Variants in USP3 observed in about 807,000 individuals in gnomAD.
The protein encoded by USP3 is ubiquitin specific peptidase 3.
Under a neutral mutation model 72.3 loss-of-function variants are expected in USP3, and 20 were observed. The ratio of observed to expected loss-of-function variants is 0.28; its 90% CI spans 0.19 to 0.40. The LOEUF (loss-of-function observed/expected upper bound fraction) is 0.40. Ranked by LOEUF, USP3 falls within the 10% of genes least tolerant of loss-of-function variation. The probability of loss-of-function intolerance (pLI) is 1.00; values close to 1 mark genes in which losing one functional copy is unlikely to be tolerated. For missense variants in USP3, 479 were observed against 633.9 expected, an observed-to-expected ratio of 0.76 and a Z score of 2.62; for synonymous variants, 222 against 225.3, an observed-to-expected ratio of 0.99 and a Z score of 0.13.
At chr15:63,546,869 A>G (rs2066336806) in intron 3 of USP3, among the ~76,000 whole-genome samples, 1 of 152,172 alleles carries the variant, frequency 6.6e-6, no homozygotes. Context: ...TGGACTCCCA[A>G]AGTGATGGGA....
At chr15:63,510,373 GTTTGTT>G (rs1353057628) in intron 1 of USP3, among the ~76,000 whole-genome samples, 8 of 151,790 alleles carry the variant, frequency 5.3e-5, no homozygotes, top group Non-Finnish European at 1.0e-4. Flanking sequence ...GAGCTTGTTT[GTTTGTT>G]TTTAATATTT....
chr15:63,540,972 A>G (rs941033672), intron 3 of USP3, among the ~76,000 whole-genome samples: 1 of 152,302 alleles, frequency 6.6e-6, no homozygotes, highest in East Asian at 1.9e-4. Context: ...TGTGGTGTAC[A>G]TTATTGTGAT....
At chr15:63,579,274 C>G (rs941957010) in intron 11 of USP3, among the ~76,000 whole-genome samples, 2 of 152,130 alleles carry the variant, frequency 1.3e-5, no homozygotes, top group Admixed American at 6.5e-5. Flanking sequence ...TACATTTATT[C>G]TGATTTATTC....
intron 2 of USP3, among the ~76,000 whole-genome samples, chr15:63,532,975 T>C (rs1188183834): frequency 6.6e-6 from 1 of 152,212 alleles, no homozygotes; most frequent in Non-Finnish European, 1.5e-5. Context: ...AGTGGAAAGA[T>C]GAGCTAAGGG....
intron 11 of USP3, among the ~76,000 whole-genome samples, chr15:63,575,055 T>C (rs1320137161): frequency 3.9e-5 from 6 of 151,948 alleles, no homozygotes; most frequent in Non-Finnish European, 8.8e-5. Flanking sequence ...CTGTATTTTA[T>C]CAGAAACTCT....
intron 3 of USP3, among the ~76,000 whole-genome samples, chr15:63,547,729 AGAGAGAGAGAGAGAGG>A (rs1272340317): frequency 2.3e-5 from 1 of 43,204 alleles, no homozygotes; most frequent in Non-Finnish European, 5.4e-5. Context: ...CAATAGAGAG[AGAGAGAGAGAGAGAGG>A]GAGGGAGGGA....
At position 63,528,977 on chromosome 15, in the gene USP3, A is replaced by C; in HGVS notation, c.92-3670A>C. 6 of 1,282,558 alleles carry C rather than the reference A, an allele frequency of 4.7e-6. No individual in the cohort carries two copies. Among genetic ancestry groups the C allele is most frequent in the Non-Finnish European group, 6.1e-6 (6 of 984,488 alleles). The allele number at this position is 1,282,558 out of a possible 1,614,324, so 79.4% of individuals were successfully genotyped here. A position where few individuals can be genotyped will look rare whatever the true frequency, so the allele number is the denominator to read the frequency against. ...AAGCAATGCCATTTATTGGCTTCAG[A>C]ATCCCTCATAATACCCTATCCTCTG... is the stretch of plus-strand genomic sequence containing the variant. On this transcript the variant is annotated intron_variant, in intron 1 of 14. Coordinates refer to ENST00000380324, the MANE Select transcript of USP3 (RefSeq NM_006537.4). The surrounding 1 kb of genome is among the most constrained non-coding windows in gnomAD (Gnocchi z 4.3).
chr15:63,563,860 T>C (rs572042205), intron 8 of USP3, among the ~76,000 whole-genome samples: 76 of 152,338 alleles, frequency 5.0e-4, no homozygotes, highest in African/African-American at 1.3e-3. Context: ...ATTTAAAAGG[T>C]AATTAACTTC....
chr15:63,586,392 T>A (rs987935043), intron 11 of USP3, among the ~76,000 whole-genome samples: 7 of 152,198 alleles, frequency 4.6e-5, no homozygotes, highest in African/African-American at 1.7e-4. Context: ...TGTGGAAAAT[T>A]CTGTGTTTCC....
At position 63,574,315 on chromosome 15, in the gene USP3, C is replaced by G. The variant is rs890458462; in HGVS notation, c.1016-8C>G. On this transcript the variant is annotated splice_region_variant and splice_polypyrimidine_tract_variant and intron_variant, in intron 10 of 14. Coordinates refer to ENST00000380324, the MANE Select transcript of USP3 (RefSeq NM_006537.4). The surrounding 1 kb of genome is among the most constrained non-coding windows in gnomAD (Gnocchi z 4.6). The stretch of plus-strand genomic sequence containing the variant: ...ACAGCTCTCTGTTTACCTCTCTCTC[C>G]TTTTAAGACCTTTCATTAGATATTC... 3.2e-6 allele frequency: 5 copies of G among 1,580,128 alleles called. No individual in the cohort carries two copies. The highest frequency in any genetic ancestry group is 4.3e-6 in the Non-Finnish European group (5 of 1,166,868).
chr15:63,564,046 A>G (rs1483544191), intron 8 of USP3, among the ~76,000 whole-genome samples: 1 of 152,212 alleles, frequency 6.6e-6, no homozygotes, highest in Non-Finnish European at 1.5e-5. Context: ...TAAGAAGGAA[A>G]GGCAGGAATG....
chr15:63,537,975 C>T lies in USP3; in HGVS notation c.284+819C>T, dbSNP rs533273468. Among the ~76,000 whole-genome samples the T allele has an allele frequency of 3.2e-4, 48 of 151,744 alleles. 1 individual carries two copies. The East Asian group carries it at 3.9e-3, about 12-fold the overall frequency. On this transcript the variant is annotated intron_variant, in intron 3 of 14. Transcript: ENST00000380324. ...GCTGGGATTAACAGGCATGAGCCAC[C>T]GCTTCCAGTGCTATTTTTTTTTTTT...
At position 63,528,896 on chromosome 15, in the gene USP3, A is replaced by G; in HGVS notation, c.92-3751A>G. On this transcript the variant is annotated intron_variant, in intron 1 of 14. Coordinates refer to ENST00000380324, the MANE Select transcript of USP3 (RefSeq NM_006537.4). This position sits in a 1 kb window ranked among gnomAD's most constrained non-coding sequence, Gnocchi z 4.3. Reference sequence around the variant, plus strand: ...AGTCTATTTTATATTTGTCCTGGGTACATTAAAGGTTCTTAATTTGGATGA... The same window carrying G: ...AGTCTATTTTATATTTGTCCTGGGTGCATTAAAGGTTCTTAATTTGGATGA... 1.6e-6 allele frequency: 1 copy of G among 627,666 alleles called. No individual in the cohort carries two copies. Among genetic ancestry groups the G allele is most frequent in the South Asian group, 2.0e-5 (1 of 50,024 alleles). 38.9% of individuals were successfully genotyped at this position (627,666 alleles called of 1,614,324 possible).
At chr15:63,532,476 G>A in intron 1 of USP3, 171 bp from the exon 2 acceptor site, 1 of 700,054 alleles carries the variant, frequency 1.4e-6, no homozygotes, top group South Asian at 1.8e-5. Context: ...ATTCTTTTCA[G>A]TATAACTTAA....
chr15:63,582,381 T>C (rs2066979623), intron 11 of USP3, among the ~76,000 whole-genome samples: 1 of 152,190 alleles, frequency 6.6e-6, no homozygotes, highest in South Asian at 2.1e-4. Flanking sequence ...CTCCTTACCT[T>C]CTGCTTTGGC....
chr15:63,567,910 G>A (rs2066716562), intron 8 of USP3, among the ~76,000 whole-genome samples: 2 of 152,204 alleles, frequency 1.3e-5, no homozygotes, highest in African/African-American at 2.4e-5. Context: ...AGCAGTGTTC[G>A]GAATGGATGG....
chr15:63,588,184 T>TA lies in USP3; in HGVS notation c.1097-119dup, dbSNP rs538834963. 291 of 691,186 alleles carry TA rather than the reference T, an allele frequency of 4.2e-4. 1 individual carries two copies. In the Middle Eastern group the frequency reaches 7.5e-3, roughly 18 times the overall value. The allele number at this position is 691,186 out of a possible 1,614,324, so 42.8% of individuals were successfully genotyped here. A position where few individuals can be genotyped will look rare whatever the true frequency, so the allele number is the denominator to read the frequency against. The stretch of plus-strand genomic sequence containing the variant: ...TCTCCAGTTTGCAATTGAGAAAGGT[T>TA]AACTTTTCTAAGGTCGTATAGCTAA... On this transcript the variant is annotated intron_variant, in intron 11 of 14. Coordinates refer to ENST00000380324, the MANE Select transcript of USP3 (RefSeq NM_006537.4). The surrounding 1 kb of genome is among the most constrained non-coding windows in gnomAD (Gnocchi z 4.6).
chr15:63,570,617 C>G lies in USP3; in HGVS notation c.908+38C>G. On this transcript the variant is annotated intron_variant, in intron 9 of 14. Coordinates refer to ENST00000380324, the MANE Select transcript of USP3 (RefSeq NM_006537.4). This position sits in a 1 kb window ranked among gnomAD's most constrained non-coding sequence, Gnocchi z 4.4. ...TGCCTTCTGTTTTTTAGGAGGGCCT[C>G]AGACATTTCTTTTGGTGTTAATTAT... is the stretch of plus-strand genomic sequence containing the variant. 1 of 1,573,798 alleles carries G rather than the reference C, an allele frequency of 6.4e-7. No homozygotes were observed. The highest frequency in any genetic ancestry group is 1.4e-5 in the African/African-American group (1 of 73,552).
At chr15:63,567,757 A>T (rs183483030) in intron 8 of USP3, among the ~76,000 whole-genome samples, 2 of 152,332 alleles carry the variant, frequency 1.3e-5, no homozygotes, top group East Asian at 3.9e-4. Context: ...CTGGGATTTG[A>T]GGCGTGAGCC....
Sources: gnomAD v4.1 joint callset for allele counts (sites outside exome capture counted in the v4.1 genomes callset) on GRCh38, gnomAD v4.1.1 for gene constraint, Gnocchi (gnomAD v3.1) non-coding constraint, MANE v1.5 for transcripts, NCBI Gene and HGNC (gene_info 2026-07-23, HGNC 2026-07-21) for gene names.